Variants in DAAM1 observed in about 807,000 individuals in gnomAD.
DAAM1 encodes the protein disheveled-associated activator of morphogenesis 1.
In DAAM1, 52 loss-of-function variants were observed where a neutral mutation model predicts 130.0. The observed-to-expected ratio is 0.40, with a 90% confidence interval of 0.32 to 0.50. The LOEUF (loss-of-function observed/expected upper bound fraction) is 0.50. Among genes scored for constraint, DAAM1 ranks in the 20% least tolerant of loss-of-function variants. DAAM1 has a pLI of 0.61. For synonymous variants in DAAM1, 452 were observed against 444.5 expected (o/e 1.02, Z -0.21); for missense variants, 1,134 against 1,303.8 (o/e 0.87, Z 2.01).
At chr14:59,265,168 C>T (rs1268334661) in intron 2 of DAAM1, 3 of 152,164 alleles carry the variant, frequency 2.0e-5, no homozygotes, top group African/African-American at 7.2e-5. Flanking sequence ...CTCTTATAGA[C>T]CAGAATTCAT....
chr14:59,249,617 A>C (rs1881543687), intron 1 of DAAM1, among the ~76,000 whole-genome samples: 1 of 152,228 alleles, frequency 6.6e-6, no homozygotes, highest in Non-Finnish European at 1.5e-5. Flanking sequence ...TTTCTTGATA[A>C]AAATCATAAC....
chr14:59,258,692 T>C (rs79140454), intron 1 of DAAM1, among the ~76,000 whole-genome samples: 308 of 152,284 alleles, frequency 2.0e-3, no homozygotes, highest in African/African-American at 7.1e-3. Flanking sequence ...AGGCTCTGAA[T>C]AGTGGAGCTC....
intron 2 of DAAM1, 119 bp from the exon 3 acceptor site, chr14:59,291,098 A>T: frequency 1.2e-6 from 1 of 803,080 alleles, no homozygotes. Context: ...GATCTTTTTC[A>T]AGTTCATTTA....
rs527843201 is a variant in DAAM1 at position 59,313,020 on chromosome 14, T to G, written c.274-2260T>G. ...CTCTTATAGATGTCTATTAACCTCC[T>G]AAGAAAAAGGGAAGAGTTGGATTAG... On this transcript the variant is annotated intron_variant, in intron 3 of 24. Transcript: ENST00000360909. 6.2e-4 allele frequency among the ~76,000 whole-genome samples: 94 copies of G among 152,312 alleles called. No homozygotes were observed. In the Middle Eastern group the frequency reaches 0.02, roughly 33 times the overall value.
chr14:59,344,605 C>T (rs531883549), intron 16 of DAAM1, among the ~76,000 whole-genome samples: 1 of 152,128 alleles, frequency 6.6e-6, no homozygotes, highest in African/African-American at 2.4e-5. Flanking sequence ...TCCAACAGGA[C>T]GCGTGCATAG....
At chr14:59,236,011 TAAAA>T (rs1049350102) in intron 1 of DAAM1, among the ~76,000 whole-genome samples, 5 of 152,146 alleles carry the variant, frequency 3.3e-5, no homozygotes, top group African/African-American at 9.6e-5. Context: ...TTCCCTTTCT[TAAAA>T]AAAATCCCAT....
intron 1 of DAAM1, among the ~76,000 whole-genome samples, chr14:59,191,472 T>C (rs1056377489): frequency 6.6e-6 from 1 of 152,178 alleles, no homozygotes; most frequent in African/African-American, 2.4e-5. Context: ...GAACTATGAT[T>C]GGAGATCCAA....
At chr14:59,298,220 C>T (rs1289177690) in intron 3 of DAAM1, among the ~76,000 whole-genome samples, 1 of 152,114 alleles carries the variant, frequency 6.6e-6, no homozygotes, top group Non-Finnish European at 1.5e-5. Flanking sequence ...CCAACTTGAA[C>T]CTTACAAAGC....
chr14:59,216,181 G>A (rs1231442700), intron 1 of DAAM1, among the ~76,000 whole-genome samples: 1 of 152,130 alleles, frequency 6.6e-6, no homozygotes, highest in African/African-American at 2.4e-5. Context: ...TCCCTAAAAT[G>A]CCTTACTCAC....
In DAAM1 at chr14:59,235,771, G is replaced by A. The variant is rs570747147; in HGVS notation, c.-37-27670G>A. Reference sequence around the variant, plus strand: ...AGATCTTTCTAGCTTTCTGATGTGGGCATTTAGTTACATAAATTTCCCTTT... The same window carrying A: ...AGATCTTTCTAGCTTTCTGATGTGGACATTTAGTTACATAAATTTCCCTTT... On this transcript the variant is annotated intron_variant, in intron 1 of 24. Coordinates refer to ENST00000360909, the MANE Select transcript of DAAM1 (RefSeq NM_001270520.2). Among the ~76,000 whole-genome samples the A allele has an allele frequency of 2.9e-4, 44 of 152,226 alleles. No individual in the cohort carries two copies. In the East Asian group the frequency reaches 7.7e-3, roughly 27 times the overall value.
intron 15 of DAAM1, among the ~76,000 whole-genome samples, chr14:59,335,197 C>G (rs1055368351): frequency 2.0e-4 from 30 of 152,130 alleles, no homozygotes; most frequent in Admixed American, 1.3e-4. Context: ...TTCTTTCACT[C>G]CAGCTTTAAG....
chr14:59,317,873 G>A (rs991921756), intron 4 of DAAM1, among the ~76,000 whole-genome samples: 1 of 152,112 alleles, frequency 6.6e-6, no homozygotes, highest in African/African-American at 2.4e-5. Context: ...AAGAGCCCTG[G>A]TTATCCCACC....
chr14:59,331,988 C>A, intron 15 of DAAM1, 68 bp downstream of exon 15: 1 of 1,360,402 alleles, frequency 7.4e-7, no homozygotes, highest in Non-Finnish European at 1.0e-6. Flanking sequence ...ATCTCTGGCC[C>A]ATCAGCCATG....
At chr14:59,270,663 G>A (rs1300668673) in intron 2 of DAAM1, among the ~76,000 whole-genome samples, 1 of 152,206 alleles carries the variant, frequency 6.6e-6, no homozygotes, top group East Asian at 1.9e-4. Context: ...ACCTCCTCTG[G>A]CTACTTTAAT....
chr14:59,346,946 G>GTGGGTTTGTGGTTAC (rs1886105712), intron 16 of DAAM1, among the ~76,000 whole-genome samples: 1 of 152,044 alleles, frequency 6.6e-6, no homozygotes, highest in Non-Finnish European at 1.5e-5. Flanking sequence ...ATCAAGAGTC[G>GTGGGTTTGTGGTTAC]TGGGTTTGTG....
intron 1 of DAAM1, among the ~76,000 whole-genome samples, chr14:59,243,043 G>A (rs754609525): frequency 2.0e-5 from 3 of 152,076 alleles, no homozygotes; most frequent in Admixed American, 6.5e-5. Context: ...TGAGGACACC[G>A]CAGCTCAGAG....
At chr14:59,197,384 G>A (rs1394294756) in intron 1 of DAAM1, among the ~76,000 whole-genome samples, 2 of 152,238 alleles carry the variant, frequency 1.3e-5, no homozygotes, top group East Asian at 1.9e-4. Context: ...TGTTGGTAAT[G>A]TGAACTAAAA....
chr14:59,365,241 G>GA (rs1169599051), intron 23 of DAAM1, among the ~76,000 whole-genome samples: 1 of 152,122 alleles, frequency 6.6e-6, no homozygotes, highest in African/African-American at 2.4e-5. Flanking sequence ...CTAAGATTTT[G>GA]ATATACATGA....
intron 2 of DAAM1, among the ~76,000 whole-genome samples, chr14:59,272,589 C>T (rs1335083338): frequency 8.4e-6 from 1 of 119,574 alleles, no homozygotes; most frequent in African/African-American, 3.5e-5. Context: ...AACAAACAAA[C>T]AAACAAAATA....
Sources: allele counts gnomAD v4.1 joint callset (sites outside exome capture counted in the v4.1 genomes callset), GRCh38; gene constraint gnomAD v4.1.1; transcripts MANE v1.5; gene names NCBI Gene and HGNC (gene_info 2026-07-23, HGNC 2026-07-21).